The following GLOD4 variants were observed in gnomAD, a reference collection of about 807,000 sequenced individuals.
GLOD4 encodes glyoxalase domain containing 4, also known as glyoxalase domain-containing protein 4.
In GLOD4, 44 loss-of-function variants were observed where a neutral mutation model predicts 39.1. The observed-to-expected ratio is 1.13, with a 90% CI of 0.88 to 1.45. GLOD4 has a LOEUF of 1.45. Among genes scored for constraint, GLOD4 ranks in the 40% most tolerant of loss-of-function variants. The pLI is 0.00. For missense variants in GLOD4, 405 were observed against 366.4 expected (o/e 1.11, Z -0.86); for synonymous variants, 145 against 135.0 (o/e 1.07, Z -0.52).
Position 776,514 on chromosome 17 carries a change from G to A in GLOD4, c.261+354C>T, listed in dbSNP as rs76510995. On this transcript the variant is annotated intron_variant, in intron 3 of 8. Coordinates refer to ENST00000301329, the MANE Select transcript of GLOD4 (RefSeq NM_016080.4). ...CTTGTTTTCCCTTTGCTCAAAGTCC[G>A]CCAATGGCTCATTTCACTCGGTGAC... Among the ~76,000 whole-genome samples, 597 of 152,178 alleles carry A rather than the reference G, an allele frequency of 3.9e-3. 2 individuals carry two copies. The highest frequency in any genetic ancestry group is 0.013 in the African/African-American group (525 of 41,498).
At chr17:779,270 T>C (rs113480525) in intron 1 of GLOD4, among the ~76,000 whole-genome samples, 2,706 of 134,592 alleles carry the variant, frequency 0.02, 39 homozygotes, top group East Asian at 0.06. Context: ...GCCGAGATCG[T>C]GCCCCTGCAC....
At chr17:768,739 G>T (rs1440581853) in intron 8 of GLOD4, among the ~76,000 whole-genome samples, 1 of 130,782 alleles carries the variant, frequency 7.6e-6, no homozygotes, top group Non-Finnish European at 1.6e-5. Flanking sequence ...GAGAAACAGC[G>T]CGCACTCAGA....
chr17:770,429 G>T lies in GLOD4; in HGVS notation c.622C>A (p.Gln208Lys). Residue 208 changes from glutamine (Q) to lysine (K), a missense_variant, in exon 6 of 9, where the codon CAG becomes AAG. Transcript: ENST00000301329. ...AFGRIAFSCP[Q>K]KELPDLEDLM... ...CTGGTATCAAGCGTTACCTCTTTCT[G>T]GGGGCAAGAGAAGGCAATTCTTCCA... The T allele has an allele frequency of 6.5e-7, 1 of 1,527,894 alleles. No homozygotes were observed. The highest frequency in any genetic ancestry group is 9.1e-7 in the Non-Finnish European group (1 of 1,101,238). The allele number at this position is 1,527,894 out of a possible 1,614,324, so 94.6% of individuals were successfully genotyped here.
chr17:773,834 C>T (rs574902107), intron 4 of GLOD4, among the ~76,000 whole-genome samples: 34 of 152,210 alleles, frequency 2.2e-4, no homozygotes, highest in Admixed American at 8.5e-4. Flanking sequence ...TGACTTGGAG[C>T]CTGAAGGGAC....
intron 8 of GLOD4, among the ~76,000 whole-genome samples, chr17:765,976 G>A (rs1906463767): frequency 6.6e-6 from 1 of 151,252 alleles, no homozygotes; most frequent in South Asian, 2.1e-4. Flanking sequence ...AAAAATGGCA[G>A]GATCGCTAAC....
intron 2 of GLOD4, among the ~76,000 whole-genome samples, chr17:777,953 G>A (rs1310262093): frequency 2.0e-5 from 3 of 152,144 alleles, no homozygotes; most frequent in Non-Finnish European, 2.9e-5. Flanking sequence ...CTCTGGGAAG[G>A]AAAGGGATGG....
At chr17:769,218 A>G (rs1374328332) in intron 8 of GLOD4, among the ~76,000 whole-genome samples, 155 of 118,968 alleles carry the variant, frequency 1.3e-3, no homozygotes, top group Middle Eastern at 0.012. Flanking sequence ...TGAGGGGGTC[A>G]GATGGAGGCA....
Position 770,084 on chromosome 17 carries a change from GGGGT to G in GLOD4, c.700_703del (p.Thr234GlnfsTer82). The stretch of plus-strand genomic sequence containing the variant: ...GACCACCTGTACTGTTGCTTTCCCT[GGGGT>G]GTCCAGGCTCACCAGGGGAGTCAGA... On this transcript the variant is annotated frameshift_variant, in exon 7 of 9. Transcript: ENST00000301329. LOFTEE classifies it high-confidence loss of function. 1 of 1,612,352 alleles carries G rather than the reference GGGGT, an allele frequency of 6.2e-7. No individual in the cohort carries two copies. Among genetic ancestry groups the G allele is most frequent in the Non-Finnish European group, 8.5e-7 (1 of 1,178,480 alleles).
chr17:783,349 C>CTTT (rs35144249), upstream of GLOD4: 377 of 1,322,232 alleles, frequency 2.9e-4, no homozygotes, highest in South Asian at 8.1e-4. Flanking sequence ...CCCAGTGTAT[C>CTTT]TTTTTTTTTT....
chr17:775,420 T>C (rs1908736012), intron 4 of GLOD4, among the ~76,000 whole-genome samples: 1 of 152,028 alleles, frequency 6.6e-6, no homozygotes, highest in South Asian at 2.1e-4. Flanking sequence ...AAAGAGAAAA[T>C]GTGGGGAGCT....
At chr17:779,981 A>C (rs1267633006) in intron 1 of GLOD4, among the ~76,000 whole-genome samples, 10 of 152,038 alleles carry the variant, frequency 6.6e-5, no homozygotes, top group African/African-American at 2.4e-4. Context: ...TGGCTAACAC[A>C]GTAAAACCCC....
rs1368339761 is a variant in GLOD4 at position 775,176 on chromosome 17, AAGG to A, written c.406+596_406+598del. 6.0e-5 allele frequency among the ~76,000 whole-genome samples: 9 copies of A among 150,008 alleles called. No homozygotes were observed. In the South Asian group the frequency reaches 1.5e-3, roughly 25 times the overall value. ...ATCCCAGCTACTTGGGAGGCTGAGG[AAGG>A]AGAATTGCTTGAACCCGGGAGGCAG... On this transcript the variant is annotated intron_variant, in intron 4 of 8. Transcript: ENST00000301329.
intron 8 of GLOD4, among the ~76,000 whole-genome samples, chr17:767,249 C>G (rs115126928): frequency 7.2e-4 from 110 of 152,328 alleles, no homozygotes; most frequent in African/African-American, 2.6e-3. Flanking sequence ...AATCATTCAA[C>G]AAAGTATTTG....
At chr17:782,519 G>A (rs1910168361), upstream of GLOD4, 1 of 1,613,664 alleles carries the variant, frequency 6.2e-7, no homozygotes, top group Non-Finnish European at 8.5e-7. Context: ...CCGGAGAGGT[G>A]GTGGAACAGA....
chr17:780,024 C>T lies in GLOD4; in HGVS notation c.91-1280G>A, dbSNP rs192691858. 2.1e-3 allele frequency among the ~76,000 whole-genome samples: 316 copies of T among 152,148 alleles called. 2 individuals carry two copies. The highest frequency in any genetic ancestry group is 7.3e-3 in the African/African-American group (304 of 41,532). ...CTAAAAATACAAAAAATAAGCAGGG[C>T]GTGGTGGCGGGCGCCTGTAGTACCA... On this transcript the variant is annotated intron_variant, in intron 1 of 8. Transcript: ENST00000301329.
At chr17:782,485 G>A, upstream of GLOD4, 1 of 1,613,790 alleles carries the variant, frequency 6.2e-7, no homozygotes, top group Non-Finnish European at 8.5e-7. Flanking sequence ...CTGCGGCGGA[G>A]CCCAGTGAAA....
chr17:779,790 C>T (rs138194570), intron 1 of GLOD4, among the ~76,000 whole-genome samples: 1 of 152,314 alleles, frequency 6.6e-6, no homozygotes, highest in East Asian at 1.9e-4. Context: ...GGGCTCTCAA[C>T]GTGTTAGCTT....
upstream of GLOD4, chr17:783,482 G>A (rs1910344347): frequency 4.4e-6 from 3 of 677,708 alleles, no homozygotes; most frequent in East Asian, 3.1e-5. Context: ...GATTACAGGC[G>A]TCTGCCACCA....
chr17:767,555 AAG>A (rs765449055), intron 8 of GLOD4, among the ~76,000 whole-genome samples: 5 of 126,720 alleles, frequency 3.9e-5, no homozygotes, highest in Admixed American at 7.9e-5. Context: ...GAGAGGACGT[AAG>A]AGAGAGAAAC....
Sources: allele counts gnomAD v4.1 joint callset (sites outside exome capture counted in the v4.1 genomes callset), GRCh38; gene constraint gnomAD v4.1.1; transcripts MANE v1.5; gene names NCBI Gene and HGNC (gene_info 2026-07-23, HGNC 2026-07-21).